Variants in NUP98 observed in about 807,000 individuals in gnomAD.
NUP98 encodes the protein nucleoporin 98 and 96 precursor, also known as nuclear pore complex protein Nup98-Nup96.
NUP98 carries 26 observed loss-of-function variants against 191.9 expected under a neutral mutation model. The observed-to-expected ratio is 0.14, with a 90% confidence interval of 0.10 to 0.19. The LOEUF (loss-of-function observed/expected upper bound fraction) is 0.19. NUP98 is among the 10% of genes least tolerant of loss of function. NUP98 has a pLI of 1.00. For synonymous variants in NUP98, 808 were observed against 778.4 expected (o/e 1.04, Z -0.63); for missense variants, 1,941 against 2,178.8 (o/e 0.89, Z 2.17).
chr11:3,780,169 A>T (rs192192672), intron 2 of NUP98, among the ~76,000 whole-genome samples: 68 of 152,196 alleles, frequency 4.5e-4, no homozygotes, highest in South Asian at 1.5e-3. Flanking sequence ...GGGCACTTTT[A>T]GTTAAAAACC....
intron 30 of NUP98, among the ~76,000 whole-genome samples, chr11:3,681,585 C>T (rs2077985960): frequency 6.6e-6 from 1 of 152,016 alleles, no homozygotes; most frequent in Admixed American, 6.6e-5. Flanking sequence ...GGTGCATCAT[C>T]AATGAGCAGT....
intron 1 of NUP98, among the ~76,000 whole-genome samples, chr11:3,785,180 A>G (rs1324297515): frequency 1.3e-5 from 2 of 152,046 alleles, no homozygotes; most frequent in African/African-American, 4.8e-5. Context: ...AGTTATGGCA[A>G]AAACAAACAA....
intron 8 of NUP98, 82 bp from the exon 9 acceptor site, chr11:3,763,121 C>T: frequency 7.4e-7 from 1 of 1,353,316 alleles, no homozygotes; most frequent in Non-Finnish European, 1.0e-6. Flanking sequence ...AAAAAGTTAC[C>T]ATTTTTTCAA....
intron 30 of NUP98, among the ~76,000 whole-genome samples, chr11:3,682,973 C>T (rs1332316718): frequency 6.6e-6 from 1 of 152,146 alleles, no homozygotes; most frequent in African/African-American, 2.4e-5. Context: ...TATTAGCACA[C>T]ATCAAGAATA....
Position 3,731,435 on chromosome 11 carries a change from C to G in NUP98, c.1686G>C (p.Leu562=). 6.2e-7 allele frequency: 1 copy of G among 1,606,006 alleles called. No homozygotes were observed. ...TGGCTAGGGATGGTTCATCGTCATCCAGCCCATCAAAGAGATGTGACTTGG... is the reference window on the plus strand; with the variant it reads ...TGGCTAGGGATGGTTCATCGTCATCGAGCCCATCAAAGAGATGTGACTTGG... ...GTAKSHLFDG[L]DDDEPSLANG... The change falls in exon 14 of 33, where the codon CTG becomes CTC. Residue 562 remains leucine, a synonymous_variant. Transcript: ENST00000324932.
chr11:3,789,677 C>T (rs142108768), intron 1 of NUP98, among the ~76,000 whole-genome samples: 5 of 151,988 alleles, frequency 3.3e-5, no homozygotes, highest in African/African-American at 1.2e-4. Flanking sequence ...CACTATGTTG[C>T]CCAGGCTGGT....
rs200022234 is a variant in NUP98, at chr11:3,705,546, CTCT to C, written c.2926-193_2926-191del. Among the ~76,000 whole-genome samples, 1,106 of 152,336 alleles carry C rather than the reference CTCT, an allele frequency of 7.3e-3. 16 individuals carry two copies. The highest frequency in any genetic ancestry group is 0.024 in the African/African-American group (992 of 41,570). ...GAAAGGCAGAATTCATATAATACTT[CTCT>C]TCTTTGTATCTATAGCGTCTCACCA... On this transcript the variant is annotated intron_variant, in intron 21 of 32. Coordinates refer to ENST00000324932, the MANE Select transcript of NUP98 (RefSeq NM_016320.5).
rs147201630 is a variant in NUP98 at position 3,770,486 on chromosome 11, C to CAAGAA, written c.784+1257_784+1261dup. On this transcript the variant is annotated intron_variant, in intron 7 of 32. Transcript: ENST00000324932. Reference sequence around the variant, plus strand: ...GGAGTAAGACCCTAAAACCCTGTCTCAAGAAAAGAAAAGAAAAGAAAAGAA... The same window carrying CAAGAA: ...GGAGTAAGACCCTAAAACCCTGTCTCAAGAAAAGAAAAGAAAAGAAAAGAAAAGAA... Among the ~76,000 whole-genome samples, 1,473 of 150,348 alleles carry CAAGAA rather than the reference C, an allele frequency of 9.8e-3. 29 individuals carry two copies. The highest frequency in any genetic ancestry group is 0.053 in the South Asian group (249 of 4,738).
chr11:3,684,354 C>G (rs2078072893), intron 29 of NUP98, among the ~76,000 whole-genome samples: 1 of 152,202 alleles, frequency 6.6e-6, no homozygotes, highest in African/African-American at 2.4e-5. Flanking sequence ...CCGAGGCGGA[C>G]AGATCACGAG....
rs1283982228 is a variant in NUP98, at chr11:3,705,324, T to G, written c.2958A>C (p.Glu986Asp). Residue 986 changes from glutamate to aspartate, a missense_variant, in exon 22 of 33, where the codon GAA becomes GAC. Glu to Asp is a conservative substitution (Grantham distance 45, BLOSUM62 2). Transcript: ENST00000324932. The part of the protein sequence containing the change: ...IMKASLLTDE[E>D]DVDMALDQRF... ...GTTGATCCAGTGCCATATCTACATC[T>G]TCTTCATCAGTAAGCAATGATGCTT... 1 of 1,613,694 alleles carries G rather than the reference T, an allele frequency of 6.2e-7. No individual in the cohort carries two copies. Among genetic ancestry groups the G allele is most frequent in the African/African-American group, 1.3e-5 (1 of 74,568 alleles).
intron 16 of NUP98, chr11:3,721,072 T>TA (rs930911138): frequency 1.2e-5 from 3 of 251,970 alleles, no homozygotes; most frequent in African/African-American, 6.8e-5. Context: ...GTCTAAAACT[T>TA]ACAGTAAATA....
chr11:3,723,479 C>T, intron 15 of NUP98, 24 bp from the exon 16 acceptor site: 1 of 1,598,578 alleles, frequency 6.3e-7, no homozygotes, highest in Non-Finnish European at 8.6e-7. Context: ...GAAATAATAC[C>T]TTAGCCTCTT....
In NUP98 at chr11:3,768,752, G is replaced by T; in HGVS notation, c.785-8C>A. 1 of 1,455,218 alleles carries T rather than the reference G, an allele frequency of 6.9e-7. No homozygotes were observed. The highest frequency in any genetic ancestry group is 9.1e-7 in the Non-Finnish European group (1 of 1,095,374). The allele number at this position is 1,455,218 out of a possible 1,614,324, so 90.1% of individuals were successfully genotyped here. On this transcript the variant is annotated splice_polypyrimidine_tract_variant and splice_region_variant and intron_variant, in intron 7 of 32. Coordinates refer to ENST00000324932, the MANE Select transcript of NUP98 (RefSeq NM_016320.5). ...TTCCAAATCCAGTTGTACCTTTTAG[G>T]AAAAAGAAAAAAAAAAGAAAAAAGA... is the stretch of plus-strand genomic sequence containing the variant.
chr11:3,760,575 C>A lies in NUP98; in HGVS notation c.1138G>T (p.Ala380Ser). 6.2e-7 allele frequency: 1 copy of A among 1,614,020 alleles called. No individual in the cohort carries two copies. The highest frequency in any genetic ancestry group is 8.5e-7 in the Non-Finnish European group (1 of 1,179,914). The change falls in exon 10 of 33, where the codon GCA (alanine) becomes TCA (serine). Residue 380 changes from alanine (A) to serine (S), a missense_variant. Ala to Ser is a moderately conservative substitution (Grantham distance 99, BLOSUM62 1). This residue lies in a region of NUP98 where 181 missense variants were observed against 228.0 expected (regional missense o/e 0.79). Coordinates refer to ENST00000324932, the MANE Select transcript of NUP98 (RefSeq NM_016320.5). ...CCACTGGTTGTACCAAATGAAGGTG[C>A]ACTGGTTGTGCTGCTTCCAAATGTA... Reference protein sequence around the residue: ...LTTFGSSTTSAPSFGTTSGGL... With the variant: ...LTTFGSSTTSSPSFGTTSGGL...
intron 1 of NUP98, among the ~76,000 whole-genome samples, chr11:3,786,690 T>C (rs1030427330): frequency 3.3e-5 from 5 of 152,196 alleles, no homozygotes; most frequent in East Asian, 1.9e-4. Flanking sequence ...TACACTGATA[T>C]ACTGTTTTAC....
At chr11:3,756,423 T>C (rs1228283709) in intron 10 of NUP98, among the ~76,000 whole-genome samples, 1 of 152,074 alleles carries the variant, frequency 6.6e-6, no homozygotes, top group African/African-American at 2.4e-5. Context: ...CATTTTCATA[T>C]CACTGAAGAT....
At chr11:3,746,553 A>G (rs2080508422) in intron 11 of NUP98, among the ~76,000 whole-genome samples, 1 of 151,962 alleles carries the variant, frequency 6.6e-6, no homozygotes, top group African/African-American at 2.4e-5. Context: ...GCATCCCTGG[A>G]CGATGACCCA....
chr11:3,796,839 TCTC>T (rs1392370192), intron 1 of NUP98, among the ~76,000 whole-genome samples: 2 of 152,174 alleles, frequency 1.3e-5, no homozygotes, highest in Admixed American at 1.3e-4. Context: ...ACTCAATCTG[TCTC>T]CTCATCTGGC....
chr11:3,761,076 C>T lies in NUP98; in HGVS notation c.1087-450G>A, dbSNP rs1355140087. On this transcript the variant is annotated intron_variant, in intron 9 of 32. Transcript: ENST00000324932. ...GAAAGACATCAATCACAAAAGACCA[C>T]ATATTATGATTCCATTTACATGAAG... 2.6e-5 allele frequency among the ~76,000 whole-genome samples: 4 copies of T among 152,166 alleles called. No homozygotes were observed. In the East Asian group the frequency reaches 5.8e-4, roughly 22 times the overall value.
Sources: gnomAD v4.1 joint callset for allele counts (sites outside exome capture counted in the v4.1 genomes callset) on GRCh38, gnomAD v4.1.1 for gene constraint, gnomAD v4.1.1 regional missense constraint, MANE v1.5 for transcripts, NCBI Gene and HGNC (gene_info 2026-07-23, HGNC 2026-07-21) for gene names.